FHOD3: variants seen among roughly 807,000 people sequenced by gnomAD.
FHOD3 encodes the protein formin homology 2 domain containing 3, also known as FH1/FH2 domain-containing protein 3.
A neutral mutation model predicts 173.0 loss-of-function variants in FHOD3; 90 were observed. That is an observed-to-expected ratio of 0.52 (90% CI 0.44 to 0.62). FHOD3 has a LOEUF of 0.62. FHOD3 is among the 20% of genes least tolerant of loss of function. The pLI is 0.00. For synonymous variants in FHOD3, 828 were observed against 823.0 expected (o/e 1.01, Z -0.10); for missense variants, 1,945 against 2,034.7 (o/e 0.96, Z 0.85).
chr18:36,712,859 T>A (rs1026618233), intron 18 of FHOD3, among the ~76,000 whole-genome samples: 94 of 146,094 alleles, frequency 6.4e-4, no homozygotes, highest in African/African-American at 2.2e-3. Context: ...AAAAAAAAAA[T>A]TTTGTAAGAG....
intron 5 of FHOD3, among the ~76,000 whole-genome samples, chr18:36,566,322 A>T (rs893827417): frequency 4.6e-5 from 7 of 152,318 alleles, no homozygotes; most frequent in African/African-American, 1.4e-4. Context: ...AAACATTTTT[A>T]AAAAATCAAG....
intron 3 of FHOD3, among the ~76,000 whole-genome samples, chr18:36,376,935 G>T (rs1043955444): frequency 6.6e-6 from 1 of 152,242 alleles, no homozygotes; most frequent in Non-Finnish European, 1.5e-5. Flanking sequence ...TCCCTGGGGC[G>T]CTGTGTTGAG....
At chr18:36,732,284 G>A (rs561217456) in intron 20 of FHOD3, among the ~76,000 whole-genome samples, 2 of 152,328 alleles carry the variant, frequency 1.3e-5, no homozygotes, top group Admixed American at 1.3e-4. Flanking sequence ...TTCTAGAACT[G>A]TGGGAGAATG....
In FHOD3 at chr18:36,459,934, C is replaced by T. The variant is rs80116412; in HGVS notation, c.338-41998C>T. Among the ~76,000 whole-genome samples the T allele has an allele frequency of 8.3e-3, 1,269 of 152,230 alleles. 10 individuals carry two copies. The highest frequency in any genetic ancestry group is 0.048 in the East Asian group (247 of 5,172). ...ATGAGTTGTCACGCCTCCTTAGGCT[C>T]TTCTTGGCTGTGACAGTTTCTCAGA... On this transcript the variant is annotated intron_variant, in intron 3 of 28. Coordinates refer to ENST00000590592, the MANE Select transcript of FHOD3 (RefSeq NM_001281740.3).
rs778589963 is a variant in FHOD3 at position 36,717,901 on chromosome 18, G to A, written c.2603G>A (p.Arg868Gln). The A allele has an allele frequency of 1.2e-5, 20 of 1,613,118 alleles. No individual in the cohort carries two copies. Among genetic ancestry groups the A allele is most frequent in the South Asian group, 3.3e-5 (3 of 90,860 alleles). The change falls in exon 19 of 29, where the codon CGG becomes CAG. Residue 868 changes from arginine to glutamine, a missense_variant. Arg to Gln is a conservative substitution (Grantham distance 43). Around this residue, in one of 5 missense-constraint regions of FHOD3, gnomAD observed 1,099 missense variants for 1,051.2 expected, o/e 1.05. Coordinates refer to ENST00000590592, the MANE Select transcript of FHOD3 (RefSeq NM_001281740.3). ...TGTGGCGACATCCTCACCAACAAAC[G>A]GTTCATGCTTGACATGCTGTATGCC... ...GQCGDILTNK[R>Q]FMLDMLYAHN...
At chr18:36,417,678 C>A (rs2049745291) in intron 3 of FHOD3, among the ~76,000 whole-genome samples, 1 of 152,276 alleles carries the variant, frequency 6.6e-6, no homozygotes, top group South Asian at 2.1e-4. Context: ...TTTCTATAAT[C>A]ACACACTTTG....
chr18:36,411,852 G>A (rs1232278916), intron 3 of FHOD3, among the ~76,000 whole-genome samples: 1 of 152,232 alleles, frequency 6.6e-6, no homozygotes, highest in Non-Finnish European at 1.5e-5. Flanking sequence ...CCACCATGTG[G>A]CCATTTGGGA....
chr18:36,408,335 G>T (rs1460178678), intron 3 of FHOD3, among the ~76,000 whole-genome samples: 2 of 152,192 alleles, frequency 1.3e-5, no homozygotes, highest in African/African-American at 4.8e-5. Flanking sequence ...CAGTTAGTGG[G>T]GTGTGTAGGG....
At position 36,297,782 on chromosome 18, in the gene FHOD3, C is replaced by G; in HGVS notation, c.-54C>G. The G allele has an allele frequency of 6.9e-7, 1 of 1,440,962 alleles. No homozygotes were observed. Among genetic ancestry groups the G allele is most frequent in the Non-Finnish European group, 9.2e-7 (1 of 1,089,738 alleles). 89.3% of individuals were successfully genotyped at this position (1,440,962 alleles called of 1,614,324 possible). On this transcript the variant is annotated 5_prime_UTR_variant, in exon 1 of 29. Transcript: ENST00000590592. ...CCTGCGCGCAGCTACCCGGGCGTCCCGGCCCGCGGCCCCGCTAACCCCGGG... is the reference window on the plus strand; with the variant it reads ...CCTGCGCGCAGCTACCCGGGCGTCCGGGCCCGCGGCCCCGCTAACCCCGGG...
intron 5 of FHOD3, among the ~76,000 whole-genome samples, chr18:36,551,579 T>C (rs2057659330): frequency 6.6e-6 from 1 of 152,222 alleles, no homozygotes; most frequent in Non-Finnish European, 1.5e-5. Context: ...TGCCCATGCC[T>C]ATGTCCTGAA....
At chr18:36,508,985 C>CA (rs2055466911) in intron 4 of FHOD3, among the ~76,000 whole-genome samples, 2 of 151,978 alleles carry the variant, frequency 1.3e-5, no homozygotes, top group African/African-American at 4.8e-5. Flanking sequence ...GCGGTCAAGC[C>CA]AAAAAAATCA....
chr18:36,654,141 C>T (rs1457319882), intron 13 of FHOD3, among the ~76,000 whole-genome samples: 1 of 152,168 alleles, frequency 6.6e-6, no homozygotes, highest in African/African-American at 2.4e-5. Flanking sequence ...GATGTTTTGC[C>T]AGAGCCTGTG....
At position 36,760,784 on chromosome 18, in the gene FHOD3, TA is replaced by T; in HGVS notation, c.4624+4del. On this transcript the variant is annotated splice_donor_region_variant and intron_variant, in intron 27 of 28. Transcript: ENST00000590592. Reference sequence around the variant, plus strand: ...GCACACGCAGCCGAGCAAGCCGAGGTAACTCCTGGCTGCGCGGGGCTCGTCT... The same window carrying T: ...GCACACGCAGCCGAGCAAGCCGAGGTACTCCTGGCTGCGCGGGGCTCGTCT... The T allele has an allele frequency of 1.2e-6, 2 of 1,608,484 alleles. No homozygotes were observed. Among genetic ancestry groups the T allele is most frequent in the Non-Finnish European group, 1.7e-6 (2 of 1,177,902 alleles).
At chr18:36,351,333 G>C (rs1411435303) in intron 1 of FHOD3, among the ~76,000 whole-genome samples, 1 of 152,180 alleles carries the variant, frequency 6.6e-6, no homozygotes, top group Non-Finnish European at 1.5e-5. Context: ...TCTGGCGTAG[G>C]AGGTAATGGC....
intron 23 of FHOD3, 61 bp downstream of exon 23, chr18:36,744,254 G>T: frequency 6.4e-7 from 1 of 1,552,606 alleles, no homozygotes; most frequent in Non-Finnish European, 8.7e-7. Context: ...ATCTTTATCG[G>T]TCATCCTCGA....
At chr18:36,445,500 C>T (rs544797842) in intron 3 of FHOD3, among the ~76,000 whole-genome samples, 18 of 151,984 alleles carry the variant, frequency 1.2e-4, no homozygotes, top group Non-Finnish European at 2.2e-4. Flanking sequence ...TTGGCGGGGT[C>T]GATGTGGTTG....
At chr18:36,486,349 A>G (rs2054190848) in intron 3 of FHOD3, among the ~76,000 whole-genome samples, 1 of 152,168 alleles carries the variant, frequency 6.6e-6, no homozygotes, top group African/African-American at 2.4e-5. Flanking sequence ...GTGTTGCTTT[A>G]TATTCATAGG....
rs57065874 is a variant in FHOD3 at position 36,694,998 on chromosome 18, C to T, written c.2236+1575C>T. On this transcript the variant is annotated intron_variant, in intron 17 of 28. Coordinates refer to ENST00000590592, the MANE Select transcript of FHOD3 (RefSeq NM_001281740.3). ...GTGGGTGTGTGTGTGTGTGTGTGTGCGTGTGTGTGTGTAGTATGCATTTGG... is the reference window on the plus strand; with the variant it reads ...GTGGGTGTGTGTGTGTGTGTGTGTGTGTGTGTGTGTGTAGTATGCATTTGG... Among the ~76,000 whole-genome samples, 7 of 97,236 alleles carry T rather than the reference C, an allele frequency of 7.2e-5. No individual in the cohort carries two copies. In the East Asian group the frequency reaches 1.2e-3, roughly 17 times the overall value. 63.8% of individuals were successfully genotyped at this position (97,236 alleles called of 152,430 possible). A position where few individuals can be genotyped will look rare whatever the true frequency, so the allele number is the denominator to read the frequency against.
intron 9 of FHOD3, among the ~76,000 whole-genome samples, chr18:36,620,473 C>A (rs912942666): frequency 1.3e-5 from 2 of 152,184 alleles, no homozygotes; most frequent in Non-Finnish European, 2.9e-5. Flanking sequence ...GAGGGTGCTG[C>A]CTTGTGTCCA....
Sources: gnomAD v4.1 joint callset for allele counts (sites outside exome capture counted in the v4.1 genomes callset) on GRCh38, gnomAD v4.1.1 for gene constraint, gnomAD v4.1.1 regional missense constraint, MANE v1.5 for transcripts, NCBI Gene and HGNC (gene_info 2026-07-23, HGNC 2026-07-21) for gene names.